ANK1: variants seen among roughly 807,000 people sequenced by gnomAD.
The protein encoded by ANK1 is ankyrin 1, also known as ankyrin-1.
A neutral mutation model predicts 210.4 loss-of-function variants in ANK1; 51 were observed. That is an observed-to-expected ratio of 0.24 (90% CI 0.19 to 0.31). The LOEUF is 0.31. Ranked by LOEUF, ANK1 falls within the 10% of genes least tolerant of loss-of-function variation. ANK1 has a pLI of 1.00. For synonymous variants in ANK1, 967 were observed against 1,025.9 expected (o/e 0.94, Z 1.10); for missense variants, 2,051 against 2,504.4 (o/e 0.82, Z 3.86).
intron 39 of ANK1, chr8:41,664,984 GCACCAGCGTGAC>G (rs776568867): frequency 1.2e-6 from 2 of 1,614,150 alleles, no homozygotes. Context: ...AAGCTCAGCA[GCACCAGCGTGAC>G]CAACAGCTGG....
chr8:41,761,191 GCA>G (rs922223851), intron 1 of ANK1, among the ~76,000 whole-genome samples: 6 of 99,026 alleles, frequency 6.1e-5, no homozygotes, highest in African/African-American at 9.9e-5. Context: ...AGATGCATGC[GCA>G]CACACACAGA....
rs189132501 is a variant in ANK1 at position 41,717,722 on chromosome 8, A to G, written c.1207-20T>C. On this transcript the variant is annotated intron_variant, in intron 11 of 42. Transcript: ENST00000289734. ...GCCAGACTGAAACAGACAAAGGCAG[A>G]GTCCGATAAGTGGGAGTCTTTCCGC... is the stretch of plus-strand genomic sequence containing the variant. 7.1e-6 allele frequency: 11 copies of G among 1,539,406 alleles called. No homozygotes were observed. In the East Asian group the frequency reaches 2.2e-4, roughly 31 times the overall value.
intron 1 of ANK1, among the ~76,000 whole-genome samples, chr8:41,785,093 C>T (rs996928223): frequency 6.6e-6 from 1 of 152,240 alleles, no homozygotes; most frequent in African/African-American, 2.4e-5. Context: ...CATGATGGCT[C>T]ACTCCTGTAA....
intron 22 of ANK1, 128 bp downstream of exon 22, chr8:41,701,422 T>C: frequency 1.3e-6 from 1 of 792,962 alleles, no homozygotes; most frequent in African/African-American, 1.7e-5. Flanking sequence ...CTCCCCAGTT[T>C]CAGTGTCCAT....
At chr8:41,855,769 C>T (rs371477814) in intron 1 of ANK1, among the ~76,000 whole-genome samples, 1 of 152,126 alleles carries the variant, frequency 6.6e-6, no homozygotes, top group African/African-American at 2.4e-5. Context: ...GCAAAAACAC[C>T]GAATGCATTA....
At chr8:41,717,543 G>A in intron 12 of ANK1, 61 bp downstream of exon 12, 2 of 1,445,642 alleles carry the variant, frequency 1.4e-6, no homozygotes, top group Non-Finnish European at 1.9e-6. Context: ...GAGCACTGGT[G>A]AAAGCTGCCC....
At chr8:41,711,741 G>C (rs994258797) in intron 16 of ANK1, among the ~76,000 whole-genome samples, 1 of 152,124 alleles carries the variant, frequency 6.6e-6, no homozygotes, top group Non-Finnish European at 1.5e-5. Flanking sequence ...GTCTTTGCCT[G>C]TAACTCCTGC....
chr8:41,662,426 T>C (rs6983305), intron 40 of ANK1, among the ~76,000 whole-genome samples: 21,504 of 152,198 alleles, frequency 0.14, 1,866 homozygotes, highest in Middle Eastern at 0.3. Context: ...AACCCTCTGC[T>C]AGACAGCCCT....
intron 37 of ANK1, among the ~76,000 whole-genome samples, chr8:41,684,073 T>C (rs998283604): frequency 6.6e-6 from 1 of 152,236 alleles, no homozygotes; most frequent in African/African-American, 2.4e-5. Flanking sequence ...CCAGTTAAAC[T>C]GCACTAGACC....
At chr8:41,894,859 C>T (rs572590862) in intron 1 of ANK1, among the ~76,000 whole-genome samples, 1 of 152,238 alleles carries the variant, frequency 6.6e-6, no homozygotes, top group South Asian at 2.1e-4. Flanking sequence ...GATTCTCTCT[C>T]GGTGGCACCA....
chr8:41,799,134 G>A (rs1460579502), upstream of ANK1, among the ~76,000 whole-genome samples: 1 of 152,238 alleles, frequency 6.6e-6, no homozygotes, highest in East Asian at 1.9e-4. Flanking sequence ...GGAGCCTTTT[G>A]AAGCACTTGG....
At chr8:41,823,675 G>C (rs1804859424) in intron 1 of ANK1, among the ~76,000 whole-genome samples, 1 of 151,950 alleles carries the variant, frequency 6.6e-6, no homozygotes, top group African/African-American at 2.4e-5. Flanking sequence ...GAGGTGGGAG[G>C]ATTGCTTGAG....
At chr8:41,746,180 C>T (rs1216937622) in intron 2 of ANK1, among the ~76,000 whole-genome samples, 1 of 152,226 alleles carries the variant, frequency 6.6e-6, no homozygotes, top group African/African-American at 2.4e-5. Flanking sequence ...GGCCATACCA[C>T]CTGCAGCCTC....
At chr8:41,714,587 G>A (rs561847087) in intron 15 of ANK1, among the ~76,000 whole-genome samples, 1 of 152,342 alleles carries the variant, frequency 6.6e-6, no homozygotes, top group Admixed American at 6.5e-5. Flanking sequence ...CAGGCCGGGT[G>A]CAGTGGCTCA....
intron 2 of ANK1, among the ~76,000 whole-genome samples, chr8:41,747,995 T>G (rs1411525853): frequency 6.6e-6 from 1 of 152,184 alleles, no homozygotes; most frequent in Non-Finnish European, 1.5e-5. Flanking sequence ...AGGCTTGGGC[T>G]GGGTGTCTCA....
intron 16 of ANK1, among the ~76,000 whole-genome samples, chr8:41,711,041 T>A (rs1195887483): frequency 6.6e-6 from 1 of 152,222 alleles, no homozygotes; most frequent in African/African-American, 2.4e-5. Flanking sequence ...AAACATTAAA[T>A]TGTTCTTCGT....
At chr8:41,812,842 C>T (rs1002284479) in intron 1 of ANK1, among the ~76,000 whole-genome samples, 12 of 152,158 alleles carry the variant, frequency 7.9e-5, no homozygotes, top group Non-Finnish European at 1.5e-4. Flanking sequence ...GGGGTTAACA[C>T]TCCTATGAGA....
At chr8:41,696,829 C>T (rs894037723) in intron 24 of ANK1, 56 bp from the exon 25 acceptor site, 15 of 1,498,988 alleles carry the variant, frequency 1.0e-5, no homozygotes, top group South Asian at 1.2e-5. Context: ...AGCTGGATGC[C>T]GTGCCAGGGC....
intron 12 of ANK1, among the ~76,000 whole-genome samples, 197 bp from the exon 13 acceptor site, chr8:41,717,248 C>G (rs1827943842): frequency 6.6e-6 from 1 of 152,188 alleles, no homozygotes; most frequent in African/African-American, 2.4e-5. Flanking sequence ...TGTGTGTGCA[C>G]ATACGTGCAG....
Sources: gnomAD v4.1 joint callset for allele counts (sites outside exome capture counted in the v4.1 genomes callset) on GRCh38, gnomAD v4.1.1 for gene constraint, MANE v1.5 for transcripts, NCBI Gene and HGNC (gene_info 2026-07-23, HGNC 2026-07-21) for gene names.